RBFOX1: variants seen among roughly 807,000 people sequenced by gnomAD.
The protein encoded by RBFOX1 is RNA binding protein fox-1 homolog 1.
RBFOX1 carries 8 observed loss-of-function variants against 57.7 expected under a neutral mutation model. The observed-to-expected ratio is 0.14, with a 90% CI of 0.08 to 0.25. The LOEUF is 0.25. Among genes scored for constraint, RBFOX1 ranks in the 10% least tolerant of loss-of-function variants. RBFOX1 has a pLI of 1.00. For missense variants in RBFOX1, 611 were observed against 548.5 expected (o/e 1.11, Z -1.14); for synonymous variants, 326 against 222.4 (o/e 1.47, Z -4.15).
chr16:6,754,076 C>T (rs2075395654), intron 3 of RBFOX1, among the ~76,000 whole-genome samples: 1 of 152,144 alleles, frequency 6.6e-6, no homozygotes, highest in African/African-American at 2.4e-5. Context: ...AAAATAAAGA[C>T]ACCCATAATT....
chr16:7,536,698 G>T (rs72773080), intron 5 of RBFOX1, among the ~76,000 whole-genome samples: 4 of 152,206 alleles, frequency 2.6e-5, no homozygotes, highest in Admixed American at 6.5e-5. Flanking sequence ...ATGCAGGGGC[G>T]TGTGGAAGCC....
intron 2 of RBFOX1, among the ~76,000 whole-genome samples, chr16:6,528,466 C>T (rs1356063196): frequency 1.3e-5 from 2 of 152,124 alleles, no homozygotes; most frequent in African/African-American, 4.8e-5. Context: ...TTACATGCAC[C>T]CTACAGCATC....
At chr16:6,915,347 G>C (rs2072863274) in intron 3 of RBFOX1, among the ~76,000 whole-genome samples, 1 of 152,128 alleles carries the variant, frequency 6.6e-6, no homozygotes, top group East Asian at 1.9e-4. Context: ...CAGGGAGGAA[G>C]CTTGCTCTAC....
At chr16:6,932,976 T>G (rs1359533127) in intron 3 of RBFOX1, among the ~76,000 whole-genome samples, 1 of 152,222 alleles carries the variant, frequency 6.6e-6, no homozygotes, top group Non-Finnish European at 1.5e-5. Flanking sequence ...GTATCTCATG[T>G]AAGTGGAATC....
At chr16:5,404,557 T>C (rs1195583802) in intron 1 of RBFOX1, among the ~76,000 whole-genome samples, 1 of 152,226 alleles carries the variant, frequency 6.6e-6, no homozygotes, top group Non-Finnish European at 1.5e-5. Context: ...AGAGGATAGC[T>C]GTATCTTCAG....
chr16:5,448,662 C>T (rs188396142), intron 1 of RBFOX1, among the ~76,000 whole-genome samples: 27 of 152,280 alleles, frequency 1.8e-4, no homozygotes, highest in African/African-American at 5.1e-4. Context: ...CTCCCTTTGG[C>T]GTTGGCTACC....
At chr16:7,307,983 G>A (rs1603617522) in intron 4 of RBFOX1, among the ~76,000 whole-genome samples, 2 of 152,274 alleles carry the variant, frequency 1.3e-5, no homozygotes, top group East Asian at 1.9e-4. Flanking sequence ...ACGTTCCAAA[G>A]TAAGTACTCA....
At chr16:7,078,288 C>T (rs1021844785) in intron 4 of RBFOX1, among the ~76,000 whole-genome samples, 3 of 152,180 alleles carry the variant, frequency 2.0e-5, no homozygotes, top group Non-Finnish European at 2.9e-5. Flanking sequence ...AGGAAGTGAC[C>T]TAACCCAGAA....
Position 7,133,403 on chromosome 16 carries a change from G to A in RBFOX1, c.27+81305G>A, listed in dbSNP as rs185371969. Among the ~76,000 whole-genome samples, 454 of 152,268 alleles carry A rather than the reference G, an allele frequency of 3.0e-3. 3 individuals are homozygous for A. The highest frequency in any genetic ancestry group is 2.3e-3 in the Non-Finnish European group (155 of 68,022). On this transcript the variant is annotated intron_variant, in intron 4 of 15. Coordinates refer to ENST00000550418, the MANE Select transcript of RBFOX1 (RefSeq NM_018723.4). ...CATATTGGTTGAAGATCATTGCAAT[G>A]GTCATGTTTTTCCAAAGAGAAGTAG...
chr16:6,960,125 C>T (rs765737453), intron 3 of RBFOX1, among the ~76,000 whole-genome samples: 1 of 152,146 alleles, frequency 6.6e-6, no homozygotes, highest in East Asian at 1.9e-4. Context: ...AAGAAACTCC[C>T]CAGGTCTTGA....
At chr16:6,976,978 TATC>T (rs1277726414) in intron 3 of RBFOX1, among the ~76,000 whole-genome samples, 6 of 147,318 alleles carry the variant, frequency 4.1e-5, no homozygotes, top group South Asian at 2.1e-4. Context: ...CTATATCACA[TATC>T]ATATATATCA....
chr16:5,734,976 G>A (rs2052519105), intron 3 of RBFOX1, among the ~76,000 whole-genome samples: 4 of 152,042 alleles, frequency 2.6e-5, no homozygotes, highest in Admixed American at 2.6e-4. Flanking sequence ...ACACAAACTG[G>A]CCACAAAAAA....
At chr16:6,694,432 T>G (rs1047339248) in intron 3 of RBFOX1, among the ~76,000 whole-genome samples, 4 of 152,242 alleles carry the variant, frequency 2.6e-5, no homozygotes, top group African/African-American at 9.6e-5. Flanking sequence ...TCTTACCATG[T>G]GAACATTTCA....
At chr16:5,951,256 T>C (rs1384836849) in intron 4 of RBFOX1, among the ~76,000 whole-genome samples, 1 of 152,158 alleles carries the variant, frequency 6.6e-6, no homozygotes, top group African/African-American at 2.4e-5. Context: ...GAGACCAGCC[T>C]GGAGAACATG....
At chr16:6,225,927 G>T (rs181019133) in intron 1 of RBFOX1, among the ~76,000 whole-genome samples, 3 of 152,246 alleles carry the variant, frequency 2.0e-5, no homozygotes, top group Admixed American at 2.0e-4. Flanking sequence ...GTTAATGGGG[G>T]AATTAACCAT....
Position 7,479,721 on chromosome 16 carries a change from G to GGC in RBFOX1, c.28-38425_28-38424dup, listed in dbSNP as rs563040055. 1.6e-4 allele frequency among the ~76,000 whole-genome samples: 24 copies of GGC among 152,244 alleles called. No homozygotes were observed. The South Asian group carries it at 5.0e-3, about 32-fold the overall frequency. ...GGGGAAGTGGGGCACCTGGAGGGGG[G>GGC]GCAGGTGTAGGTGATTGGAGCTGGA... On this transcript the variant is annotated intron_variant, in intron 4 of 15. Transcript: ENST00000550418.
At chr16:6,423,121 C>A (rs954681126) in intron 2 of RBFOX1, among the ~76,000 whole-genome samples, 1 of 152,196 alleles carries the variant, frequency 6.6e-6, no homozygotes, top group African/African-American at 2.4e-5. Context: ...ACTCTCCTTT[C>A]ATCATTGTTT....
intron 4 of RBFOX1, among the ~76,000 whole-genome samples, chr16:7,218,667 T>C (rs74010798): frequency 0.31 from 45,274 of 148,122 alleles, 7,977 homozygotes; most frequent in East Asian, 0.66. Context: ...TGTGTGTGTG[T>C]GTGTGTGTGT....
chr16:6,974,255 A>G (rs531818087), intron 3 of RBFOX1, among the ~76,000 whole-genome samples: 6 of 150,198 alleles, frequency 4.0e-5, no homozygotes, highest in African/African-American at 1.5e-4. Context: ...GCAGAGAGGC[A>G]TGTGGTACAG....
Sources: gnomAD v4.1 joint callset for allele counts (sites outside exome capture counted in the v4.1 genomes callset) on GRCh38, gnomAD v4.1.1 for gene constraint, MANE v1.5 for transcripts, NCBI Gene and HGNC (gene_info 2026-07-23, HGNC 2026-07-21) for gene names.